The following GLDN variants were observed in gnomAD, a reference collection of about 807,000 sequenced individuals.
The protein encoded by GLDN is gliomedin.
In GLDN, 47 loss-of-function variants were observed where a neutral mutation model predicts 56.5. That is an observed-to-expected ratio of 0.83 (90% CI 0.66 to 1.06). The LOEUF (loss-of-function observed/expected upper bound fraction) is 1.06. Among genes scored for constraint, GLDN ranks in the 50% least tolerant of loss-of-function variants. The pLI is 0.00. For missense variants in GLDN, 782 were observed against 714.3 expected (o/e 1.09, Z -1.08); for synonymous variants, 332 against 278.8 (o/e 1.19, Z -1.90).
chr15:51,378,721 T>C (rs1003801932), intron 2 of GLDN, among the ~76,000 whole-genome samples: 1 of 152,218 alleles, frequency 6.6e-6, no homozygotes, highest in African/African-American at 2.4e-5. Context: ...CAGCTTGAAA[T>C]TGGGCCTCCT....
intron 4 of GLDN, among the ~76,000 whole-genome samples, chr15:51,386,320 G>T (rs576478242): frequency 1.9e-4 from 29 of 152,278 alleles, no homozygotes; most frequent in African/African-American, 6.7e-4. Flanking sequence ...AGCCCAGCTC[G>T]ATGGGATCGC....
chr15:51,345,916 T>C (rs1046574374), intron 1 of GLDN, among the ~76,000 whole-genome samples: 2 of 152,180 alleles, frequency 1.3e-5, no homozygotes, highest in Non-Finnish European at 2.9e-5. Context: ...AAGAAATCAA[T>C]AGACTTCTTA....
chr15:51,355,682 C>A (rs2037163446), intron 1 of GLDN, among the ~76,000 whole-genome samples: 1 of 150,996 alleles, frequency 6.6e-6, no homozygotes, highest in Admixed American at 6.6e-5. Context: ...CACCAACACA[C>A]CCGGCTAATC....
intron 4 of GLDN, chr15:51,384,895 A>G: frequency 6.6e-6 from 1 of 152,260 alleles, no homozygotes; most frequent in Non-Finnish European, 1.5e-5. Context: ...GAAATGGTAG[A>G]AAATTCTTCC....
At chr15:51,370,581 A>C (rs1297232443) in intron 1 of GLDN, among the ~76,000 whole-genome samples, 1 of 152,144 alleles carries the variant, frequency 6.6e-6, no homozygotes, top group African/African-American at 2.4e-5. Flanking sequence ...GTTTGGGTTC[A>C]CACAACACTA....
At chr15:51,389,823 C>T (rs536914284) in intron 4 of GLDN, among the ~76,000 whole-genome samples, 2 of 152,116 alleles carry the variant, frequency 1.3e-5, no homozygotes, top group Non-Finnish European at 2.9e-5. Flanking sequence ...CTAGTGGGGA[C>T]CCTGGCTAGA....
At position 51,384,098 on chromosome 15, in the gene GLDN, C is replaced by A. The variant is rs375260519; in HGVS notation, c.541+206C>A. The A allele has an allele frequency of 4.6e-5, 28 of 605,300 alleles. No individual in the cohort carries two copies. In the African/African-American group the frequency reaches 4.9e-4, roughly 11 times the overall value. 37.5% of individuals were successfully genotyped at this position (605,300 alleles called of 1,614,324 possible). A position where few individuals can be genotyped will look rare whatever the true frequency, so the allele number is the denominator to read the frequency against. ...CACCTTGACAGATGTTTATTTCAAA[C>A]TGGAGAAGCCGTCTCCTGGGAACTG... On this transcript the variant is annotated intron_variant, in intron 4 of 9. Coordinates refer to ENST00000335449, the MANE Select transcript of GLDN (RefSeq NM_181789.4).
chr15:51,404,940 G>T lies in GLDN; in HGVS notation c.*186G>T. ...TTGGAAGTTGAAATGGCTGAGATTT[G>T]GTGATCTCCCCACAGCTGGCTCTGC... On this transcript the variant is annotated 3_prime_UTR_variant, in exon 10 of 10. Transcript: ENST00000335449. 1.8e-6 allele frequency: 1 copy of T among 568,414 alleles called. No individual in the cohort carries two copies. Among genetic ancestry groups the T allele is most frequent in the Non-Finnish European group, 3.1e-6 (1 of 319,680 alleles). The allele number at this position is 568,414 out of a possible 1,614,324, so 35.2% of individuals were successfully genotyped here.
chr15:51,386,882 C>G (rs2037907323), intron 4 of GLDN, among the ~76,000 whole-genome samples: 1 of 152,126 alleles, frequency 6.6e-6, no homozygotes, highest in African/African-American at 2.4e-5. Flanking sequence ...GCCCCGCACT[C>G]AACTCAGATC....
intron 1 of GLDN, among the ~76,000 whole-genome samples, chr15:51,374,929 G>A (rs1355498080): frequency 6.6e-6 from 1 of 151,624 alleles, no homozygotes; most frequent in Non-Finnish European, 1.5e-5. Flanking sequence ...ATGGAGAAAG[G>A]GTCTTACTAT....
At chr15:51,395,136 A>G (rs145203431) in intron 5 of GLDN, among the ~76,000 whole-genome samples, 155 bp downstream of exon 5, 1 of 152,332 alleles carries the variant, frequency 6.6e-6, no homozygotes, top group Non-Finnish European at 1.5e-5. Context: ...GCTTTCAAAG[A>G]GGAGAAACAT....
At chr15:51,357,285 G>A (rs980780433) in intron 1 of GLDN, among the ~76,000 whole-genome samples, 5 of 152,132 alleles carry the variant, frequency 3.3e-5, no homozygotes, top group African/African-American at 9.7e-5. Context: ...TGTGGTCCAC[G>A]GCTTCATTCC....
intron 9 of GLDN, among the ~76,000 whole-genome samples, chr15:51,404,058 G>T (rs1566953663): frequency 6.6e-6 from 1 of 152,076 alleles, no homozygotes; most frequent in Non-Finnish European, 1.5e-5. Flanking sequence ...TCTCCCTGTT[G>T]CCTCTGCTAG....
Position 51,383,929 on chromosome 15 carries a change from A to G in GLDN, c.541+37A>G, listed in dbSNP as rs540807308. 227 of 1,407,768 alleles carry G rather than the reference A, an allele frequency of 1.6e-4. 1 individual carries two copies. The East Asian group carries it at 5.2e-3, about 32-fold the overall frequency. The allele number at this position is 1,407,768 out of a possible 1,614,324, so 87.2% of individuals were successfully genotyped here. A position where few individuals can be genotyped will look rare whatever the true frequency, so the allele number is the denominator to read the frequency against. On this transcript the variant is annotated intron_variant, in intron 4 of 9. Transcript: ENST00000335449. The stretch of plus-strand genomic sequence containing the variant: ...AACTCTTCTAATTAATTTCCCTGTT[A>G]TTTATCTCCATGATTGCATTTGGGT...
chr15:51,382,081 A>C (rs1014748223), intron 2 of GLDN, among the ~76,000 whole-genome samples: 1 of 152,110 alleles, frequency 6.6e-6, no homozygotes, highest in Admixed American at 6.6e-5. Flanking sequence ...GAATCTTATA[A>C]GTCCCCACCT....
At position 51,355,759 on chromosome 15, in the gene GLDN, G is replaced by A. The variant is rs539882243; in HGVS notation, c.363+13712G>A. On this transcript the variant is annotated intron_variant, in intron 1 of 9. Coordinates refer to ENST00000335449, the MANE Select transcript of GLDN (RefSeq NM_181789.4). Reference sequence around the variant, plus strand: ...GGGATGGTCTTGATCTCCTGACTTTGTGATCTGCCCACCTTGGCCTCCCAA... The same window carrying A: ...GGGATGGTCTTGATCTCCTGACTTTATGATCTGCCCACCTTGGCCTCCCAA... Among the ~76,000 whole-genome samples the A allele has an allele frequency of 5.2e-3, 776 of 149,786 alleles. 5 individuals carry two copies. The highest frequency in any genetic ancestry group is 8.1e-3 in the Non-Finnish European group (544 of 67,412).
chr15:51,371,232 T>C (rs1876512791), intron 1 of GLDN, among the ~76,000 whole-genome samples: 1 of 152,238 alleles, frequency 6.6e-6, no homozygotes, highest in Admixed American at 6.5e-5. Flanking sequence ...ATAGTACATA[T>C]AGATCTATGT....
chr15:51,383,286 T>C, intron 2 of GLDN, 150 bp from the exon 3 acceptor site: 1 of 804,626 alleles, frequency 1.2e-6, no homozygotes, highest in East Asian at 2.5e-5. Flanking sequence ...CTTTAAAGGG[T>C]CTTTTGGCCA....
intron 2 of GLDN, among the ~76,000 whole-genome samples, chr15:51,380,267 C>A (rs1469670270): frequency 6.6e-6 from 1 of 152,236 alleles, no homozygotes; most frequent in African/African-American, 2.4e-5. Context: ...ATTAAGCCCA[C>A]ACCTGAAGCC....
Sources: allele counts gnomAD v4.1 joint callset (sites outside exome capture counted in the v4.1 genomes callset), GRCh38; gene constraint gnomAD v4.1.1; transcripts MANE v1.5; gene names NCBI Gene and HGNC (gene_info 2026-07-23, HGNC 2026-07-21).